Variants in USP7 observed in about 807,000 individuals in gnomAD.
USP7 encodes ubiquitin specific peptidase 7.
In USP7, 9 loss-of-function variants were observed where a neutral mutation model predicts 162.9. The observed-to-expected ratio is 0.06, with a 90% confidence interval of 0.03 to 0.10. The LOEUF is 0.10. USP7 is among the 10% of genes least tolerant of loss of function. The probability of loss-of-function intolerance (pLI) is 1.00; values close to 1 mark genes in which losing one functional copy is unlikely to be tolerated. For missense variants in USP7, 715 were observed against 1,373.7 expected (o/e 0.52, Z 7.58); for synonymous variants, 562 against 475.9 (o/e 1.18, Z -2.35).
intron 2 of USP7, chr16:8,929,369 C>T (rs1898191870): frequency 4.8e-6 from 2 of 412,992 alleles, no homozygotes; most frequent in Non-Finnish European, 9.6e-6. Context: ...GCCTCTTTAC[C>T]TTCCTCAGAT....
In USP7 at chr16:8,898,558, T is replaced by C; in HGVS notation, c.2613A>G (p.Arg871=). 3.7e-6 allele frequency: 6 copies of C among 1,612,390 alleles called. No individual in the cohort carries two copies. Among genetic ancestry groups the C allele is most frequent in the Non-Finnish European group, 5.1e-6 (6 of 1,179,576 alleles). Residue 871 remains arginine, a synonymous_variant, in exon 24 of 31, where the codon AGA becomes AGG. Transcript: ENST00000344836. ...LRDLLQFFKP[R]QPKKLYYQQL... is the part of the protein sequence containing the mutation. Reference sequence around the variant, plus strand: ...GCTGATAGTAAAGTTTCTTAGGTTGTCTAGGCTTGAAGAACTGTAGAAGAT... The same window carrying C: ...GCTGATAGTAAAGTTTCTTAGGTTGCCTAGGCTTGAAGAACTGTAGAAGAT...
intron 1 of USP7, 106 bp from the exon 2 acceptor site, chr16:8,930,503 C>A (rs943354906): frequency 7.2e-6 from 5 of 692,458 alleles, no homozygotes; most frequent in South Asian, 2.7e-5. Context: ...TTAATAAATT[C>A]CAATTGTACC....
At chr16:8,912,003 T>G (rs1245277460) in intron 10 of USP7, among the ~76,000 whole-genome samples, 1 of 152,186 alleles carries the variant, frequency 6.6e-6, no homozygotes, top group Non-Finnish European at 1.5e-5. Flanking sequence ...AAGTAAAACC[T>G]GTTCTCCCAC....
At chr16:8,938,323 TAAGA>T (rs1275877288) in intron 1 of USP7, among the ~76,000 whole-genome samples, 45 of 142,186 alleles carry the variant, frequency 3.2e-4, no homozygotes, top group Non-Finnish European at 9.1e-5. Flanking sequence ...CACACAGTCT[TAAGA>T]AATAACACAG....
At chr16:8,903,527 G>T in intron 15 of USP7, 125 bp from the exon 16 acceptor site, 3 of 1,211,736 alleles carry the variant, frequency 2.5e-6, no homozygotes, top group South Asian at 3.5e-5. Context: ...TTCTTCAGAA[G>T]ACCAATGAAG....
Position 8,923,783 on chromosome 16 carries a change from G to A in USP7, c.185-370C>T, listed in dbSNP as rs138487464. 1.6e-3 allele frequency among the ~76,000 whole-genome samples: 248 copies of A among 152,258 alleles called. 1 individual carries two copies. Among genetic ancestry groups the A allele is most frequent in the African/African-American group, 5.7e-3 (238 of 41,548 alleles). ...ACATGGCTCATATCTGTTCAAGGAC[G>A]GGACTTCTGGGGGTAAAGACCACGA... On this transcript the variant is annotated intron_variant, in intron 2 of 30. Transcript: ENST00000344836.
In USP7 at chr16:8,920,056, G is replaced by C. The variant is rs148604379; in HGVS notation, c.611+303C>G. Among the ~76,000 whole-genome samples the C allele has an allele frequency of 6.5e-3, 982 of 152,204 alleles. 12 individuals carry two copies. The highest frequency in any genetic ancestry group is 0.023 in the African/African-American group (943 of 41,516). ...GTAACAACGGAGCATCTCTGCTCTG[G>C]GTATTTATGTACCGGTCTTAGCTCC... On this transcript the variant is annotated intron_variant, in intron 5 of 30. Transcript: ENST00000344836.
At chr16:8,962,557 A>C (rs1002733440) in intron 1 of USP7, 1 of 423,620 alleles carries the variant, frequency 2.4e-6, no homozygotes, top group Non-Finnish European at 4.8e-6. Flanking sequence ...ACCTGGCCGG[A>C]TGCTGGCTGC....
intron 25 of USP7, among the ~76,000 whole-genome samples, chr16:8,897,726 A>AAAAAAAAAAAAATATATAT (rs1555461671): frequency 1.4e-4 from 1 of 7,140 alleles, no homozygotes; most frequent in Non-Finnish European, 2.3e-4. Context: ...AAAAAAAAAA[A>AAAAAAAAAAAAATATATAT]ATATATATAT....
intron 17 of USP7, 29 bp from the exon 18 acceptor site, chr16:8,902,216 A>T (rs747458090): frequency 1.9e-6 from 3 of 1,610,184 alleles, no homozygotes; most frequent in Non-Finnish European, 2.5e-6. Context: ...CTGATTTTAG[A>T]AGAGTCTAAT....
intron 23 of USP7, 117 bp from the exon 24 acceptor site, chr16:8,898,756 T>C (rs1233577057): frequency 2.5e-6 from 2 of 787,134 alleles, no homozygotes; most frequent in African/African-American, 1.7e-5. Context: ...AATTTGGACC[T>C]AGCATGGGGT....
intron 26 of USP7, among the ~76,000 whole-genome samples, chr16:8,896,495 G>A (rs2061683320): frequency 6.6e-6 from 1 of 152,194 alleles, no homozygotes; most frequent in Non-Finnish European, 1.5e-5. Flanking sequence ...AAAGTAGTGA[G>A]AATCATGCCC....
At chr16:8,915,380 A>C (rs1175834848) in intron 9 of USP7, 36 bp from the exon 10 acceptor site, 1 of 1,612,996 alleles carries the variant, frequency 6.2e-7, no homozygotes, top group South Asian at 1.1e-5. Flanking sequence ...TTTAACTAGT[A>C]ATAGTCAAAA....
chr16:8,947,683 T>C (rs903920381), intron 1 of USP7, among the ~76,000 whole-genome samples: 1 of 152,162 alleles, frequency 6.6e-6, no homozygotes, highest in African/African-American at 2.4e-5. Flanking sequence ...TTCTATATGG[T>C]AAATAACAGT....
chr16:8,952,856 G>A (rs113794586), intron 1 of USP7, among the ~76,000 whole-genome samples: 84 of 150,778 alleles, frequency 5.6e-4, no homozygotes, highest in African/African-American at 2.0e-3. Flanking sequence ...TTTTTAAGAC[G>A]GAGTCTCATT....
At chr16:8,921,344 T>G (rs1252932872) in intron 3 of USP7, 49 bp from the exon 4 acceptor site, 1 of 1,590,100 alleles carries the variant, frequency 6.3e-7, no homozygotes, top group East Asian at 2.2e-5. Flanking sequence ...TTACCAGATG[T>G]TATACATTTT....
intron 2 of USP7, among the ~76,000 whole-genome samples, chr16:8,924,177 G>A (rs1396288085): frequency 6.6e-6 from 1 of 152,220 alleles, no homozygotes; most frequent in African/African-American, 2.4e-5. Context: ...TGATGACAGT[G>A]ACTATTCATT....
intron 1 of USP7, among the ~76,000 whole-genome samples, chr16:8,942,488 A>G (rs1160849094): frequency 6.6e-6 from 1 of 152,202 alleles, no homozygotes; most frequent in Non-Finnish European, 1.5e-5. Context: ...TGTGTACTCT[A>G]AAACGGGGGC....
chr16:8,906,279 T>C (rs1596361620), intron 13 of USP7, 147 bp downstream of exon 13: 2 of 858,098 alleles, frequency 2.3e-6, no homozygotes, highest in Non-Finnish European at 3.4e-6. Context: ...ATTAAATGGA[T>C]GGGAAAACAG....
Sources: gnomAD v4.1 joint callset for allele counts (sites outside exome capture counted in the v4.1 genomes callset) on GRCh38, gnomAD v4.1.1 for gene constraint, MANE v1.5 for transcripts, NCBI Gene and HGNC (gene_info 2026-07-23, HGNC 2026-07-21) for gene names.